The following CEP112 variants were observed in gnomAD, a reference collection of about 807,000 sequenced individuals.
The protein encoded by CEP112 is centrosomal protein of 112 kDa.
A neutral mutation model predicts 153.0 loss-of-function variants in CEP112; 127 were observed. The observed-to-expected ratio is 0.83, with a 90% CI of 0.72 to 0.96. The LOEUF (loss-of-function observed/expected upper bound fraction) is 0.96. CEP112 is among the 40% of genes least tolerant of loss of function. The pLI is 0.00. For synonymous variants in CEP112, 358 were observed against 374.4 expected (o/e 0.96, Z 0.51); for missense variants, 1,089 against 1,101.2 (o/e 0.99, Z 0.16).
intron 21 of CEP112, among the ~76,000 whole-genome samples, chr17:65,793,960 T>G (rs2054750986): frequency 6.6e-6 from 1 of 152,218 alleles, no homozygotes; most frequent in Admixed American, 6.5e-5. Context: ...AAAGAACTAT[T>G]CCTGATGAAA....
intron 16 of CEP112, among the ~76,000 whole-genome samples, chr17:66,011,053 A>G (rs561950445): frequency 1.3e-5 from 2 of 152,114 alleles, no homozygotes; most frequent in Admixed American, 6.5e-5. Context: ...TTCTTTACAC[A>G]TCTGCTAGAA....
intron 20 of CEP112, among the ~76,000 whole-genome samples, chr17:65,871,155 C>T (rs980894553): frequency 6.6e-6 from 1 of 152,168 alleles, no homozygotes; most frequent in African/African-American, 2.4e-5. Flanking sequence ...CACTGGGACA[C>T]AAACAGTTGA....
intron 11 of CEP112, among the ~76,000 whole-genome samples, chr17:66,062,429 A>G (rs555394754): frequency 2.0e-5 from 3 of 152,134 alleles, no homozygotes; most frequent in Admixed American, 6.5e-5. Flanking sequence ...AGAACTGATA[A>G]ATGTTTGAGG....
At chr17:65,718,216 G>A (rs2049654561) in intron 23 of CEP112, among the ~76,000 whole-genome samples, 1 of 152,140 alleles carries the variant, frequency 6.6e-6, no homozygotes, top group South Asian at 2.1e-4. Flanking sequence ...GACCAGGCTG[G>A]CCAACATGGT....
chr17:65,918,179 CAAAA>C (rs55755336), intron 19 of CEP112, among the ~76,000 whole-genome samples: 1 of 117,058 alleles, frequency 8.5e-6, no homozygotes, highest in East Asian at 2.6e-4. Flanking sequence ...GACTCTGTCT[CAAAA>C]AAAAAAAAAA....
intron 1 of CEP112, among the ~76,000 whole-genome samples, chr17:66,188,414 A>G (rs911715005): frequency 5.5e-4 from 17 of 30,938 alleles, no homozygotes; most frequent in Non-Finnish European, 1.6e-3. Context: ...CCCACCCCCG[A>G]GCCCTTATCT....
intron 23 of CEP112, among the ~76,000 whole-genome samples, chr17:65,729,561 G>A (rs536580208): frequency 2.0e-4 from 31 of 152,150 alleles, no homozygotes; most frequent in African/African-American, 6.7e-4. Flanking sequence ...AACTATCTCC[G>A]ATACAGTTTA....
intron 16 of CEP112, among the ~76,000 whole-genome samples, chr17:66,012,440 T>C (rs965524869): frequency 5.3e-5 from 8 of 152,314 alleles, no homozygotes; most frequent in Admixed American, 3.9e-4. Flanking sequence ...TGAAATCGCT[T>C]AGCATTTGCT....
At chr17:65,969,686 T>G (rs1483997309) in intron 17 of CEP112, among the ~76,000 whole-genome samples, 1 of 152,250 alleles carries the variant, frequency 6.6e-6, no homozygotes, top group Non-Finnish European at 1.5e-5. Context: ...GCATGTGTAT[T>G]GTATGCATAT....
At chr17:65,825,181 A>C (rs1054021447) in intron 21 of CEP112, among the ~76,000 whole-genome samples, 6 of 152,236 alleles carry the variant, frequency 3.9e-5, no homozygotes, top group African/African-American at 1.4e-4. Flanking sequence ...CACATGCTAC[A>C]ATGTGGATGA....
chr17:65,957,934 C>G (rs1336240767), intron 18 of CEP112, among the ~76,000 whole-genome samples: 1 of 152,262 alleles, frequency 6.6e-6, no homozygotes, highest in East Asian at 1.9e-4. Context: ...TTCTCCAACT[C>G]TTGCTATTCA....
intron 8 of CEP112, among the ~76,000 whole-genome samples, chr17:66,072,401 C>T (rs948657345): frequency 1.3e-5 from 2 of 152,156 alleles, no homozygotes; most frequent in African/African-American, 4.8e-5. Context: ...CCAAGAATCA[C>T]GCATTGCTTT....
At chr17:65,995,207 C>G (rs1353977168) in intron 17 of CEP112, among the ~76,000 whole-genome samples, 7 of 151,930 alleles carry the variant, frequency 4.6e-5, no homozygotes, top group African/African-American at 1.7e-4. Flanking sequence ...TTCCCCATTC[C>G]TCTCGGAATT....
Position 65,989,575 on chromosome 17 carries a change from G to A in CEP112, c.1736+16115C>T, listed in dbSNP as rs7216179. ...TCTTTCCCTGACAAACAAAAGCTGAGAGAATTCACCAACACCAGAACCATC... is the reference window on the plus strand; with the variant it reads ...TCTTTCCCTGACAAACAAAAGCTGAAAGAATTCACCAACACCAGAACCATC... On this transcript the variant is annotated intron_variant, in intron 17 of 26. Coordinates refer to ENST00000535342, the MANE Select transcript of CEP112 (RefSeq NM_001199165.4). 6.0e-3 allele frequency among the ~76,000 whole-genome samples: 908 copies of A among 151,986 alleles called. 10 individuals carry two copies. Among genetic ancestry groups the A allele is most frequent in the African/African-American group, 0.021 (877 of 41,466 alleles).
At chr17:65,676,996 A>G (rs907671607) in intron 24 of CEP112, among the ~76,000 whole-genome samples, 2 of 152,172 alleles carry the variant, frequency 1.3e-5, no homozygotes, top group Admixed American at 6.5e-5. Context: ...TCTGAACATG[A>G]TATCTGTGCC....
rs114785914 is a variant in CEP112 at position 65,986,557 on chromosome 17, C to T, written c.1736+19133G>A. Among the ~76,000 whole-genome samples the T allele has an allele frequency of 2.3e-3, 343 of 152,194 alleles. 3 individuals carry two copies. The highest frequency in any genetic ancestry group is 8.0e-3 in the African/African-American group (333 of 41,534). ...AAATGCATCGGATTAAAGTAAAGTACAAATGATGTTGGTGTACTATATGTA... is the reference window on the plus strand; with the variant it reads ...AAATGCATCGGATTAAAGTAAAGTATAAATGATGTTGGTGTACTATATGTA... On this transcript the variant is annotated intron_variant, in intron 17 of 26. Coordinates refer to ENST00000535342, the MANE Select transcript of CEP112 (RefSeq NM_001199165.4).
At chr17:65,652,437 C>T (rs562200281) in intron 24 of CEP112, among the ~76,000 whole-genome samples, 3 of 151,852 alleles carry the variant, frequency 2.0e-5, no homozygotes, top group Admixed American at 6.6e-5. Context: ...GTTCAATAAA[C>T]ATTAGTTATC....
At chr17:65,683,827 AG>A (rs2047653212) in intron 24 of CEP112, among the ~76,000 whole-genome samples, 1 of 152,188 alleles carries the variant, frequency 6.6e-6, no homozygotes, top group Non-Finnish European at 1.5e-5. Context: ...GCAGATCACC[AG>A]GTCAGGAGCT....
chr17:65,997,111 T>C (rs1169671214), intron 17 of CEP112, among the ~76,000 whole-genome samples: 1 of 152,122 alleles, frequency 6.6e-6, no homozygotes, highest in Non-Finnish European at 1.5e-5. Flanking sequence ...CTCGGGAGAC[T>C]GAGGCAGAAG....
Sources: gnomAD v4.1 joint callset for allele counts (sites outside exome capture counted in the v4.1 genomes callset) on GRCh38, gnomAD v4.1.1 for gene constraint, MANE v1.5 for transcripts, NCBI Gene and HGNC (gene_info 2026-07-23, HGNC 2026-07-21) for gene names.